Variants in ANXA8 observed in about 807,000 individuals in gnomAD.
ANXA8 encodes VAC-beta.
In ANXA8, 9 loss-of-function variants were observed where a neutral mutation model predicts 26.8. That is an observed-to-expected ratio of 0.34 (90% CI 0.20 to 0.59). The LOEUF is 0.59. Ranked by LOEUF, ANXA8 falls within the 20% of genes least tolerant of loss-of-function variation. The pLI, the probability that ANXA8 is intolerant of heterozygous loss-of-function variation, is 0.84. For missense variants in ANXA8, 83 were observed against 238.5 expected, an observed-to-expected ratio of 0.35 and a Z score of 4.29; for synonymous variants, 39 against 94.8, an observed-to-expected ratio of 0.41 and a Z score of 3.42.
At chr10:47,702,501 C>G in the ANXA8 span, among the ~76,000 whole-genome samples, 1 of 151,194 alleles carries the variant, frequency 6.6e-6, no homozygotes, top group Non-Finnish European at 1.5e-5. Context: ...CCACCACGCC[C>G]AGATAATTTT....
the ANXA8 span, chr10:47,553,471 C>T: frequency 6.2e-6 from 1 of 161,320 alleles, no homozygotes; most frequent in Non-Finnish European, 1.4e-5. Flanking sequence ...CAGCCCGCGG[C>T]ACCAAACCTG....
At chr10:47,487,016 A>G (rs1199346090), upstream of ANXA8, among the ~76,000 whole-genome samples, 135 of 151,438 alleles carry the variant, frequency 8.9e-4, 1 homozygote, top group African/African-American at 3.0e-3. Context: ...AGTAGCTAGA[A>G]GAAGGGACTT....
At chr10:47,671,248 C>A in the ANXA8 span, among the ~76,000 whole-genome samples, 6 of 151,680 alleles carry the variant, frequency 4.0e-5, no homozygotes, top group Non-Finnish European at 8.8e-5. Flanking sequence ...CATGGTGAAA[C>A]CCCATCTCTA....
the ANXA8 span, among the ~76,000 whole-genome samples, chr10:47,742,868 T>C: frequency 1.4e-5 from 2 of 140,804 alleles, no homozygotes; most frequent in Non-Finnish European, 3.1e-5. Flanking sequence ...ATAAACTCAA[T>C]GCAACCCCGG....
chr10:47,632,141 A>G, the ANXA8 span, among the ~76,000 whole-genome samples: 1 of 152,170 alleles, frequency 6.6e-6, no homozygotes, highest in Non-Finnish European at 1.5e-5. Flanking sequence ...GTTAAATTTT[A>G]CTTTAAAATT....
At chr10:47,955,078 G>A in the ANXA8 span, among the ~76,000 whole-genome samples, 1 of 146,102 alleles carries the variant, frequency 6.8e-6, no homozygotes, top group Non-Finnish European at 1.5e-5. Flanking sequence ...GAATCATGGG[G>A]GCAGATCTTT....
the ANXA8 span, among the ~76,000 whole-genome samples, chr10:47,528,665 C>T: frequency 2.0e-5 from 3 of 149,214 alleles, no homozygotes; most frequent in Non-Finnish European, 4.5e-5. Flanking sequence ...AAGAAAATTA[C>T]ATGCAGTTGC....
At chr10:47,721,074 G>GAGATCAAT in the ANXA8 span, among the ~76,000 whole-genome samples, 1 of 141,280 alleles carries the variant, frequency 7.1e-6, no homozygotes, top group African/African-American at 2.6e-5. Flanking sequence ...TTGAGCCCAG[G>GAGATCAAT]AGATCAATTG....
chr10:47,548,490 G>A, the ANXA8 span, among the ~76,000 whole-genome samples: 1 of 152,174 alleles, frequency 6.6e-6, no homozygotes, highest in Non-Finnish European at 1.5e-5. Flanking sequence ...TAGTAGAGAC[G>A]GGGTTTCTGC....
the ANXA8 span, among the ~76,000 whole-genome samples, chr10:47,981,202 C>T: frequency 6.6e-6 from 1 of 151,316 alleles, no homozygotes; most frequent in African/African-American, 2.4e-5. Flanking sequence ...GGACAAAATC[C>T]ACCTAATCTC....
the ANXA8 span, among the ~76,000 whole-genome samples, chr10:47,525,802 A>ATTT: frequency 2.3e-3 from 181 of 80,256 alleles, no homozygotes; most frequent in Middle Eastern, 7.7e-3. Context: ...GCTGAACACT[A>ATTT]TTTTTTTTTT....
the ANXA8 span, among the ~76,000 whole-genome samples, chr10:47,656,281 C>G: frequency 6.6e-6 from 1 of 151,336 alleles, no homozygotes; most frequent in Admixed American, 6.6e-5. Flanking sequence ...ACCTGTAGTC[C>G]CAGCTACTTG....
chr10:47,973,233 C>A, the ANXA8 span: 7 of 149,564 alleles, frequency 4.7e-5, no homozygotes, highest in Non-Finnish European at 7.5e-5. Context: ...CTCTTCCAAG[C>A]ACACAGCTGC....
chr10:47,663,862 C>T, the ANXA8 span, among the ~76,000 whole-genome samples: 2 of 147,670 alleles, frequency 1.4e-5, no homozygotes, highest in African/African-American at 5.3e-5. Context: ...TGAATTATTC[C>T]TTAAAGCTTG....
the ANXA8 span, among the ~76,000 whole-genome samples, chr10:47,748,724 C>T: frequency 6.6e-6 from 1 of 151,548 alleles, no homozygotes; most frequent in Non-Finnish European, 1.5e-5. Context: ...CTCCTGGGCT[C>T]AAGGGTGCTG....
the ANXA8 span, among the ~76,000 whole-genome samples, chr10:47,683,373 C>T: frequency 6.6e-5 from 10 of 151,238 alleles, no homozygotes; most frequent in Non-Finnish European, 1.3e-4. Context: ...GGACTACAGG[C>T]GCCCGCCACC....
At chr10:47,890,952 C>G in the ANXA8 span, among the ~76,000 whole-genome samples, 1 of 150,416 alleles carries the variant, frequency 6.6e-6, no homozygotes, top group Admixed American at 6.7e-5. Context: ...CAGTGTCAGA[C>G]AGCATACTTT....
the ANXA8 span, among the ~76,000 whole-genome samples, chr10:47,940,039 G>C: frequency 1.3e-5 from 2 of 149,970 alleles, no homozygotes; most frequent in East Asian, 2.1e-4. Flanking sequence ...ACTGTGCCCA[G>C]CTCAATGCCT....
chr10:47,957,275 G>A, the ANXA8 span, among the ~76,000 whole-genome samples: 2 of 150,486 alleles, frequency 1.3e-5, no homozygotes, highest in Non-Finnish European at 2.9e-5. Flanking sequence ...TTGTGTCTCT[G>A]AGGACTAGAG....
Sources: allele counts gnomAD v4.1 joint callset (sites outside exome capture counted in the v4.1 genomes callset), GRCh38; gene constraint gnomAD v4.1.1; transcripts MANE v1.5; gene names NCBI Gene and HGNC (gene_info 2026-07-23, HGNC 2026-07-21).